The following NECAB1 variants were observed in gnomAD, a reference collection of about 807,000 sequenced individuals.
NECAB1 encodes N-terminal EF-hand calcium binding protein 1.
A neutral mutation model predicts 57.5 loss-of-function variants in NECAB1; 29 were observed. That is an observed-to-expected ratio of 0.50 (90% CI 0.38 to 0.69). NECAB1 has a LOEUF of 0.69. Among genes scored for constraint, NECAB1 ranks in the 30% least tolerant of loss-of-function variants. NECAB1 has a pLI of 0.00. For synonymous variants in NECAB1, 142 were observed against 147.7 expected, an observed-to-expected ratio of 0.96 and a Z score of 0.28; for missense variants, 372 against 413.8, an observed-to-expected ratio of 0.90 and a Z score of 0.88.
At chr8:90,792,227 T>C (rs887875141) in intron 1 of NECAB1, among the ~76,000 whole-genome samples, 2 of 152,228 alleles carry the variant, frequency 1.3e-5, no homozygotes, top group Non-Finnish European at 2.9e-5. Flanking sequence ...TCCAACAGGC[T>C]GGGTTTCGTA....
At position 90,840,653 on chromosome 8, in the gene NECAB1, G is replaced by T. The variant is rs1389370696; in HGVS notation, c.233+15828G>T. The stretch of plus-strand genomic sequence containing the variant: ...AAAACGTATGAGCAAATTTTTAAAA[G>T]CAGTGTAGACTGCTAGCCAGGGGAG... On this transcript the variant is annotated intron_variant, in intron 3 of 12. Coordinates refer to ENST00000417640, the MANE Select transcript of NECAB1 (RefSeq NM_022351.5). Among the ~76,000 whole-genome samples the T allele has an allele frequency of 2.6e-5, 4 of 152,294 alleles. No individual in the cohort carries two copies. In the East Asian group the frequency reaches 7.7e-4, roughly 29 times the overall value.
intron 2 of NECAB1, among the ~76,000 whole-genome samples, chr8:90,815,707 GT>G (rs1316213111): frequency 6.6e-6 from 1 of 151,926 alleles, no homozygotes; most frequent in Non-Finnish European, 1.5e-5. Context: ...ATTCATTCAA[GT>G]TTTTCCATGA....
chr8:90,937,809 GT>G (rs928095894), intron 9 of NECAB1, among the ~76,000 whole-genome samples: 6 of 152,238 alleles, frequency 3.9e-5, no homozygotes, highest in East Asian at 1.9e-4. Flanking sequence ...TACAAACCTA[GT>G]TTTTTTCTGC....
At chr8:90,928,383 TGCCCCATAGATAGAATAACA>T in intron 8 of NECAB1, 84 bp downstream of exon 8, 1 of 976,898 alleles carries the variant, frequency 1.0e-6, no homozygotes, top group Non-Finnish European at 1.5e-6. Flanking sequence ...TATCCATGAC[TGCCCCATAGATAGAATAACA>T]GCCAGGATCC....
chr8:90,847,900 G>C (rs1812599421), intron 3 of NECAB1, among the ~76,000 whole-genome samples: 1 of 152,242 alleles, frequency 6.6e-6, no homozygotes, highest in African/African-American at 2.4e-5. Context: ...CCAGGCCTGT[G>C]ATGGGAGGGG....
At chr8:90,905,553 A>G (rs1809619666) in intron 5 of NECAB1, among the ~76,000 whole-genome samples, 1 of 152,294 alleles carries the variant, frequency 6.6e-6, no homozygotes, top group South Asian at 2.1e-4. Context: ...AAAGAAAAAA[A>G]ATTGCAGATT....
At chr8:90,910,177 C>T (rs1301632080) in intron 5 of NECAB1, among the ~76,000 whole-genome samples, 2 of 151,770 alleles carry the variant, frequency 1.3e-5, no homozygotes, top group African/African-American at 4.8e-5. Flanking sequence ...GTTAATCTAA[C>T]TCTGATTTAT....
chr8:90,863,347 T>A (rs1808446190), intron 3 of NECAB1, among the ~76,000 whole-genome samples: 1 of 152,116 alleles, frequency 6.6e-6, no homozygotes, highest in African/African-American at 2.4e-5. Flanking sequence ...TGCAAAACAA[T>A]TTTTCATTGC....
rs777135136 is a variant in NECAB1, at chr8:90,917,653, G to A, written c.494+25G>A. Reference sequence around the variant, plus strand: ...GGCAATTTACATGTTTTCATCTGATGTCTATTTAGTGACTCTATGTTCATG... The same window carrying A: ...GGCAATTTACATGTTTTCATCTGATATCTATTTAGTGACTCTATGTTCATG... On this transcript the variant is annotated intron_variant, in intron 6 of 12. Transcript: ENST00000417640. The A allele has an allele frequency of 1.5e-5, 24 of 1,594,606 alleles. No individual in the cohort carries two copies. The East Asian group carries it at 3.6e-4, about 24-fold the overall frequency.
intron 8 of NECAB1, among the ~76,000 whole-genome samples, chr8:90,931,456 C>A (rs1219231711): frequency 6.6e-6 from 1 of 152,186 alleles, no homozygotes; most frequent in African/African-American, 2.4e-5. Context: ...TGCACTGAAA[C>A]CAAGCCCTAT....
intron 3 of NECAB1, among the ~76,000 whole-genome samples, chr8:90,826,570 T>G (rs1241174462): frequency 6.6e-6 from 1 of 151,956 alleles, no homozygotes; most frequent in Admixed American, 6.6e-5. Flanking sequence ...GCTAATGCTT[T>G]GTTATGTATG....
chr8:90,940,168 C>A (rs1358805107), intron 9 of NECAB1: 1 of 152,288 alleles, frequency 6.6e-6, no homozygotes, highest in Non-Finnish European at 1.5e-5. Flanking sequence ...CCATTAAAAA[C>A]AAGCACCATC....
chr8:90,920,940 G>C (rs2130139026), intron 6 of NECAB1, among the ~76,000 whole-genome samples: 1 of 152,332 alleles, frequency 6.6e-6, no homozygotes, highest in African/African-American at 2.4e-5. Flanking sequence ...ACACTGAGGA[G>C]ACCAATCTAA....
intron 5 of NECAB1, among the ~76,000 whole-genome samples, chr8:90,893,309 A>G (rs907034333): frequency 6.6e-6 from 1 of 151,800 alleles, no homozygotes; most frequent in African/African-American, 2.4e-5. Flanking sequence ...AGCTCCTTTT[A>G]CTTTTTACTT....
chr8:90,897,338 A>G (rs1809381133), intron 5 of NECAB1, among the ~76,000 whole-genome samples: 1 of 152,174 alleles, frequency 6.6e-6, no homozygotes, highest in Non-Finnish European at 1.5e-5. Context: ...AGCAAAATCT[A>G]TTTTAATATT....
At chr8:90,945,132 A>C (rs1810771513) in intron 10 of NECAB1, among the ~76,000 whole-genome samples, 1 of 151,960 alleles carries the variant, frequency 6.6e-6, no homozygotes, top group Non-Finnish European at 1.5e-5. Flanking sequence ...GGCTTGCGTG[A>C]TCTTGGCTCA....
At chr8:90,909,203 T>C (rs891098771) in intron 5 of NECAB1, among the ~76,000 whole-genome samples, 1 of 152,126 alleles carries the variant, frequency 6.6e-6, no homozygotes, top group African/African-American at 2.4e-5. Flanking sequence ...CAGCCTTTGA[T>C]ACTCAGTGAC....
At chr8:90,868,301 G>C (rs1808557482) in intron 3 of NECAB1, among the ~76,000 whole-genome samples, 1 of 152,152 alleles carries the variant, frequency 6.6e-6, no homozygotes, top group Non-Finnish European at 1.5e-5. Flanking sequence ...TAGAGAAGTG[G>C]GACATTGCTA....
At chr8:90,916,406 G>A (rs1809953449) in intron 5 of NECAB1, among the ~76,000 whole-genome samples, 1 of 152,152 alleles carries the variant, frequency 6.6e-6, no homozygotes. Flanking sequence ...TGAGAACCAG[G>A]AAGGTTAGAT....
Sources: allele counts gnomAD v4.1 joint callset (sites outside exome capture counted in the v4.1 genomes callset), GRCh38; gene constraint gnomAD v4.1.1; transcripts MANE v1.5; gene names NCBI Gene and HGNC (gene_info 2026-07-23, HGNC 2026-07-21).